The following PRSS23 variants were observed in gnomAD, a reference collection of about 807,000 sequenced individuals.
The protein encoded by PRSS23 is protease, serine 23.
Under a neutral mutation model 34.7 loss-of-function variants are expected in PRSS23, and 25 were observed. That is an observed-to-expected ratio of 0.72 (90% CI 0.53 to 1.01). The LOEUF is 1.01. Among genes scored for constraint, PRSS23 ranks in the 50% least tolerant of loss-of-function variants. The pLI is 0.00. For missense variants in PRSS23, 445 were observed against 475.6 expected, an observed-to-expected ratio of 0.94 and a Z score of 0.60; for synonymous variants, 176 against 186.6, an observed-to-expected ratio of 0.94 and a Z score of 0.46.
chr11:86,875,790 C>T (rs1481611319), intron 2 of PRSS23, among the ~76,000 whole-genome samples: 2 of 152,198 alleles, frequency 1.3e-5, no homozygotes, highest in East Asian at 3.8e-4. Context: ...TGAGGATGTG[C>T]AGAAGGAAAA....
intron 1 of PRSS23, among the ~76,000 whole-genome samples, chr11:86,801,310 A>C (rs980433454): frequency 1.4e-4 from 21 of 152,200 alleles, no homozygotes; most frequent in Non-Finnish European, 3.1e-4. Context: ...TTTAAATAAA[A>C]GTTTTAAAGT....
At chr11:86,931,731 T>C (rs1292533176) in intron 2 of PRSS23, among the ~76,000 whole-genome samples, 1 of 152,112 alleles carries the variant, frequency 6.6e-6, no homozygotes, top group Non-Finnish European at 1.5e-5. Flanking sequence ...TATCTCAAGC[T>C]CCGGAGCTCA....
At chr11:86,851,775 G>A (rs77228139) in intron 2 of PRSS23, among the ~76,000 whole-genome samples, 5,221 of 152,220 alleles carry the variant, frequency 0.034, 320 homozygotes, top group African/African-American at 0.12. Context: ...AGAGTTCTTG[G>A]TGCCATGGTA....
intron 2 of PRSS23, among the ~76,000 whole-genome samples, chr11:86,840,024 A>G (rs1223015944): frequency 6.6e-6 from 1 of 152,038 alleles, no homozygotes; most frequent in Non-Finnish European, 1.5e-5. Context: ...CATCGATGCT[A>G]TGAAGAAACT....
chr11:86,833,364 C>T, intron 2 of PRSS23: 1 of 806,088 alleles, frequency 1.2e-6, no homozygotes, highest in South Asian at 1.3e-5. Context: ...GGTACATGAA[C>T]AGGAACAGCC....
rs142621561 is a variant in PRSS23 at position 86,859,841 on chromosome 11, A to G, written c.206+36248A>G. On this transcript the variant is annotated intron_variant, in intron 2 of 2. Coordinates refer to the PRSS23 transcript ENST00000533902. ...TGACTCCCAATATTGCATGGGGTGG[A>G]CACCTCCAGTGTGATATTGTTTCTA... Among the ~76,000 whole-genome samples, 49 of 152,064 alleles carry G rather than the reference A, an allele frequency of 3.2e-4. 1 individual carries two copies. In the East Asian group the frequency reaches 8.5e-3, roughly 26 times the overall value.
chr11:86,923,825 G>C (rs1016077158), intron 2 of PRSS23, among the ~76,000 whole-genome samples: 2 of 152,228 alleles, frequency 1.3e-5, no homozygotes, highest in Non-Finnish European at 2.9e-5. Flanking sequence ...GTAAGTGACA[G>C]AACTGGCCTG....
chr11:86,950,936 A>G (rs530658595), intron 2 of PRSS23: 7 of 631,430 alleles, frequency 1.1e-5, no homozygotes, highest in Non-Finnish European at 2.0e-5. Flanking sequence ...TGGCTTTTCC[A>G]TTTTGGATCA....
intron 2 of PRSS23, among the ~76,000 whole-genome samples, chr11:86,834,416 A>G (rs1650187578): frequency 6.6e-6 from 1 of 152,068 alleles, no homozygotes; most frequent in Non-Finnish European, 1.5e-5. Context: ...GGGATTACCC[A>G]AACTAGGGGT....
At chr11:86,837,747 A>G (rs1293738493) in intron 2 of PRSS23, 1 of 152,266 alleles carries the variant, frequency 6.6e-6, no homozygotes, top group East Asian at 1.9e-4. Flanking sequence ...AGTCTGGGTG[A>G]CAGAGCGAGA....
At chr11:86,917,921 A>G (rs1359699230) in intron 2 of PRSS23, among the ~76,000 whole-genome samples, 1 of 152,220 alleles carries the variant, frequency 6.6e-6, no homozygotes, top group Non-Finnish European at 1.5e-5. Context: ...GCCACAAAAA[A>G]TTCACTGTGT....
rs545232904 is a variant in PRSS23, at chr11:86,885,866, C to T, written c.206+62273C>T. Among the ~76,000 whole-genome samples, 4 of 152,304 alleles carry T rather than the reference C, an allele frequency of 2.6e-5. No individual in the cohort carries two copies. In the East Asian group the frequency reaches 7.7e-4, roughly 29 times the overall value. On this transcript the variant is annotated intron_variant, in intron 2 of 2. Transcript: ENST00000533902. ...CCATTGGCATGGGCATTAGGTCTTTCATTTTAAAAGAAGAATTCAGAAAAT... is the reference window on the plus strand; with the variant it reads ...CCATTGGCATGGGCATTAGGTCTTTTATTTTAAAAGAAGAATTCAGAAAAT...
At chr11:86,868,680 G>A (rs536563585) in intron 2 of PRSS23, among the ~76,000 whole-genome samples, 3 of 152,240 alleles carry the variant, frequency 2.0e-5, no homozygotes, top group Non-Finnish European at 4.4e-5. Context: ...TGGGAGGAGT[G>A]GCAAGGAAGT....
chr11:86,929,062 C>T (rs1198589325), intron 2 of PRSS23, among the ~76,000 whole-genome samples: 1 of 152,068 alleles, frequency 6.6e-6, no homozygotes, highest in African/African-American at 2.4e-5. Flanking sequence ...TGCCTCGTGC[C>T]TGTAATCCTA....
chr11:86,943,966 C>A (rs1033637676), intron 2 of PRSS23, among the ~76,000 whole-genome samples: 1 of 152,008 alleles, frequency 6.6e-6, no homozygotes, highest in Non-Finnish European at 1.5e-5. Flanking sequence ...GTCTCAAACT[C>A]CTGACCTCAT....
upstream of PRSS23, among the ~76,000 whole-genome samples, chr11:86,799,347 G>A (rs1590865358): frequency 6.6e-6 from 1 of 152,332 alleles, no homozygotes; most frequent in East Asian, 1.9e-4. Context: ...GTAACACCTT[G>A]GTGTGAAATA....
intron 2 of PRSS23, chr11:86,921,442 T>C (rs897201063): frequency 6.6e-6 from 1 of 152,244 alleles, no homozygotes; most frequent in African/African-American, 2.4e-5. Context: ...AGAATAAATC[T>C]GTGATTTTGA....
intron 2 of PRSS23, among the ~76,000 whole-genome samples, chr11:86,877,742 G>C (rs1048438750): frequency 7.9e-5 from 12 of 151,440 alleles, no homozygotes; most frequent in Non-Finnish European, 1.5e-5. Flanking sequence ...CTGTTTTATT[G>C]CTTTGAAATC....
intron 2 of PRSS23, among the ~76,000 whole-genome samples, chr11:86,840,375 A>G (rs1222709850): frequency 6.6e-6 from 1 of 152,252 alleles, no homozygotes; most frequent in African/African-American, 2.4e-5. Context: ...AAAGAAGGCC[A>G]CTACATAATG....
Sources: gnomAD v4.1 joint callset for allele counts (sites outside exome capture counted in the v4.1 genomes callset) on GRCh38, gnomAD v4.1.1 for gene constraint, MANE v1.5 for transcripts, NCBI Gene and HGNC (gene_info 2026-07-23, HGNC 2026-07-21) for gene names.